The following PDIA2 variants were observed in gnomAD, a reference collection of about 807,000 sequenced individuals.
The protein encoded by PDIA2 is protein disulfide-isomerase A2.
In PDIA2, 76 loss-of-function variants were observed where a neutral mutation model predicts 51.1. The observed-to-expected ratio is 1.49, with a 90% CI of 1.24 to 1.80. PDIA2 has a LOEUF of 1.80. Among genes scored for constraint, PDIA2 ranks in the 40% most tolerant of loss-of-function variants. PDIA2 has a pLI of 0.00. For synonymous variants in PDIA2, 429 were observed against 309.9 expected, an observed-to-expected ratio of 1.38 and a Z score of -4.04; for missense variants, 946 against 706.5, an observed-to-expected ratio of 1.34 and a Z score of -3.84.
chr16:286,090 AC>A (rs2052368584), intron 7 of PDIA2, among the ~76,000 whole-genome samples: 1 of 65,638 alleles, frequency 1.5e-5, no homozygotes, highest in African/African-American at 7.4e-5. Flanking sequence ...CCCCCACCAA[AC>A]CCCACAGTTC....
At chr16:286,511 C>A (rs1243463862) in intron 8 of PDIA2, 38 bp downstream of exon 8, 8 of 1,612,448 alleles carry the variant, frequency 5.0e-6, no homozygotes, top group Non-Finnish European at 5.9e-6. Context: ...GTGGGCTGGG[C>A]AGGGGCTGCC....
At chr16:285,868 CCCGGCGGTTCT>C (rs2052352623) in intron 7 of PDIA2, among the ~76,000 whole-genome samples, 165 bp downstream of exon 7, 5 of 145,072 alleles carry the variant, frequency 3.4e-5, no homozygotes, top group Non-Finnish European at 4.6e-5. Context: ...CCAACCCCAA[CCCGGCGGTTCT>C]CCCAACCCCA....
In PDIA2 at chr16:285,171, A is replaced by G. The variant is rs2089132286; in HGVS notation, c.766A>G (p.Met256Val). 9 of 1,612,868 alleles carry G rather than the reference A, an allele frequency of 5.6e-6. No individual in the cohort carries two copies. The highest frequency in any genetic ancestry group is 1.3e-5 in the African/African-American group (1 of 74,862). The change falls in exon 5 of 11, where the codon ATG becomes GTG. Residue 256 changes from methionine (M) to valine (V), a missense_variant. Coordinates refer to ENST00000219406, the MANE Select transcript of PDIA2 (RefSeq NM_006849.4). The part of the protein sequence containing the change: ...DLSRFLVTHS[M>V]RLVTEFNSQT... The stretch of plus-strand genomic sequence containing the variant: ...GTCGCGCTTCCTGGTCACACACAGC[A>G]TGCGCCTGGTCACGGAGTTCAACAG...
At chr16:285,797 C>A (rs2052349844) in intron 7 of PDIA2, 94 bp downstream of exon 7, 20 of 1,354,912 alleles carry the variant, frequency 1.5e-5, no homozygotes, top group Non-Finnish European at 2.0e-5. Flanking sequence ...GAGCCCCCTG[C>A]CCCTGCAGGC....
At position 285,121 on chromosome 16, in the gene PDIA2, A is replaced by G. The variant is rs773893698; in HGVS notation, c.716A>G (p.Glu239Gly). ...CGGGCAGACTTCCCCGTGGACGAGG[A>G]GCTTGGCCTGGACCTGGGGGATCTG... is the stretch of plus-strand genomic sequence containing the variant. ...EGRADFPVDE[E>G]LGLDLGDLSR... Residue 239 changes from glutamate (E) to glycine (G), a missense_variant, in exon 5 of 11, where the codon GAG becomes GGG. By Grantham distance (98) the Glu-to-Gly change is moderately conservative. Coordinates refer to ENST00000219406, the MANE Select transcript of PDIA2 (RefSeq NM_006849.4). 1.9e-6 allele frequency: 3 copies of G among 1,612,884 alleles called. No homozygotes were observed. The highest frequency in any genetic ancestry group is 1.7e-5 in the Admixed American group (1 of 60,004).
In PDIA2 at chr16:286,891, C is replaced by T. The variant is rs182652442; in HGVS notation, c.1479C>T (p.Asn493=). The change falls in exon 10 of 11, where the codon AAC becomes AAT. Residue 493 remains asparagine, a synonymous_variant. Transcript: ENST00000219406. ...DLETFSKFLD[N]GGVLPTEEPP... is the part of the protein sequence containing the mutation. ...AGACTTTCTCCAAGTTCCTGGACAACGGGGGCGTGCTGCCCACGGAGGAGC... is the reference window on the plus strand; with the variant it reads ...AGACTTTCTCCAAGTTCCTGGACAATGGGGGCGTGCTGCCCACGGAGGAGC... 692 of 1,603,266 alleles carry T rather than the reference C, an allele frequency of 4.3e-4. 7 individuals carry two copies. In the South Asian group the frequency reaches 6.1e-3, roughly 14 times the overall value.
At position 284,785 on chromosome 16, in the gene PDIA2, TC is replaced by T; in HGVS notation, c.534del (p.Phe179SerfsTer22). ...GGCCGGGACCTAGTGGTCATTGGCTTCTTCCAGGTGAGCCACTGGGCATGGG... is the reference window on the plus strand; with the variant it reads ...GGCCGGGACCTAGTGGTCATTGGCTTTTCCAGGTGAGCCACTGGGCATGGG... ...IGGRDLVVIG[F>X]FQDLQDEDVA... is the part of the protein sequence containing the mutation. On this transcript the variant is annotated frameshift_variant, in exon 3 of 11. Transcript: ENST00000219406. LOFTEE classifies it high-confidence loss of function. 1 of 1,571,838 alleles carries T rather than the reference TC, an allele frequency of 6.4e-7. No individual in the cohort carries two copies. Among genetic ancestry groups the T allele is most frequent in the Non-Finnish European group, 8.6e-7 (1 of 1,162,364 alleles).
In PDIA2 at chr16:284,460, G is replaced by A. The variant is rs761256172; in HGVS notation, c.273G>A (p.Glu91=). The A allele has an allele frequency of 5.9e-5, 94 of 1,603,230 alleles. No homozygotes were observed. The highest frequency in any genetic ancestry group is 7.7e-5 in the Non-Finnish European group (91 of 1,176,188). The part of the protein sequence containing the change: ...YSKAAAVLAA[E]SMVVTLAKVD... Reference sequence around the variant, plus strand: ...AGGCAGCTGCCGTGCTCGCGGCCGAGTCAATGGTGGTCACGCTGGCCAAGG... The same window carrying A: ...AGGCAGCTGCCGTGCTCGCGGCCGAATCAATGGTGGTCACGCTGGCCAAGG... The change falls in exon 2 of 11, where the codon GAG becomes GAA. Residue 91 remains glutamate, a synonymous_variant. Coordinates refer to ENST00000219406, the MANE Select transcript of PDIA2 (RefSeq NM_006849.4).
In PDIA2 at chr16:284,415, C is replaced by T. The variant is rs1233355859; in HGVS notation, c.228C>T (p.Ala76=). Residue 76 remains alanine, a synonymous_variant, in exon 2 of 11, where the codon GCC becomes GCT. Coordinates refer to ENST00000219406, the MANE Select transcript of PDIA2 (RefSeq NM_006849.4). ...CCCCGTGGTGTGGGCACTGCCAGGC[C>T]CTGGCCCCCGAGTACAGCAAGGCAG... ...FYAPWCGHCQ[A]LAPEYSKAAA... 6.3e-7 allele frequency: 1 copy of T among 1,575,032 alleles called. No individual in the cohort carries two copies. Among genetic ancestry groups the T allele is most frequent in the East Asian group, 2.3e-5 (1 of 43,292 alleles).
intron 7 of PDIA2, among the ~76,000 whole-genome samples, 153 bp from the exon 8 acceptor site, chr16:286,200 C>T (rs1307815314): frequency 6.4e-5 from 1 of 15,624 alleles, no homozygotes; most frequent in East Asian, 1.7e-3. Flanking sequence ...CCCGGCCCCG[C>T]ACAGGACCTC....
In PDIA2 at chr16:284,176, AG is replaced by A. The variant is rs947460728; in HGVS notation, c.200-204del. The stretch of plus-strand genomic sequence containing the variant: ...AGCCACTGAGCCTGGCTGTGGGGGG[AG>A]GGGGGGTGGTCTTTCAAGCTCTCCC... On this transcript the variant is annotated intron_variant, in intron 1 of 10. Transcript: ENST00000219406. The A allele has an allele frequency of 3.8e-3, 2,199 of 580,234 alleles. 62 individuals carry two copies. The East Asian group carries it at 0.055, about 14-fold the overall frequency. The allele number at this position is 580,234 out of a possible 1,614,324, so 35.9% of individuals were successfully genotyped here. A position where few individuals can be genotyped will look rare whatever the true frequency, so the allele number is the denominator to read the frequency against.
intron 1 of PDIA2, chr16:284,084 T>C (rs889985432): frequency 2.2e-6 from 1 of 462,434 alleles, no homozygotes; most frequent in Admixed American, 3.4e-5. Flanking sequence ...GTCAGGCTGG[T>C]CTCGAACTCC....
chr16:284,780 T>G lies in PDIA2; in HGVS notation c.528T>G (p.Ile176Met). ...ALIGGRDLVVIGFFQDLQDED... is the reference protein window; with the variant it reads ...ALIGGRDLVVMGFFQDLQDED... The stretch of plus-strand genomic sequence containing the variant: ...TCGGTGGCCGGGACCTAGTGGTCAT[T>G]GGCTTCTTCCAGGTGAGCCACTGGG... Residue 176 changes from isoleucine (I) to methionine (M), a missense_variant, in exon 3 of 11, where the codon ATT (isoleucine) becomes ATG (methionine). Physicochemically the swap from Ile to Met is conservative, Grantham distance 10 (BLOSUM62 1). Transcript: ENST00000219406. 3 of 1,570,540 alleles carry G rather than the reference T, an allele frequency of 1.9e-6. No homozygotes were observed. Among genetic ancestry groups the G allele is most frequent in the South Asian group, 1.2e-5 (1 of 85,012 alleles).
rs778288105 is a variant in PDIA2 at position 285,348 on chromosome 16, C to T, written c.832C>T (p.His278Tyr). Residue 278 changes from histidine (H) to tyrosine (Y), a missense_variant, in exon 6 of 11, where the codon CAC becomes TAC. By Grantham distance (83) the His-to-Tyr change is moderately conservative. Coordinates refer to ENST00000219406, the MANE Select transcript of PDIA2 (RefSeq NM_006849.4). ...GATCTTCGCGGCCAGGATCCTCAAC[C>T]ACCTGCTGCTGTTTGTCAACCAGAC... is the stretch of plus-strand genomic sequence containing the variant. Reference protein sequence around the residue: ...AKIFAARILNHLLLFVNQTLA... With the variant: ...AKIFAARILNYLLLFVNQTLA... 6.8e-6 allele frequency: 11 copies of T among 1,612,860 alleles called. No individual in the cohort carries two copies. The African/African-American group carries it at 9.3e-5, about 14-fold the overall frequency.
rs201725880 is a variant in PDIA2 at position 283,399 on chromosome 16, C to T, written c.199+31C>T. 414 of 1,535,018 alleles carry T rather than the reference C, an allele frequency of 2.7e-4. 3 individuals are homozygous for T. In the Admixed American group the frequency reaches 5.5e-3, roughly 20 times the overall value. Reference sequence around the variant, plus strand: ...TGCTGGGGCCAGTGGGGCTGGGGACCGGCGGGGGACCGGCAGAGCCCACCT... The same window carrying T: ...TGCTGGGGCCAGTGGGGCTGGGGACTGGCGGGGGACCGGCAGAGCCCACCT... On this transcript the variant is annotated intron_variant, in intron 1 of 10. Coordinates refer to ENST00000219406, the MANE Select transcript of PDIA2 (RefSeq NM_006849.4).
chr16:284,729 G>A lies in PDIA2; in HGVS notation c.477G>A (p.Glu159=). 2 of 1,565,638 alleles carry A rather than the reference G, an allele frequency of 1.3e-6. No individual in the cohort carries two copies. The highest frequency in any genetic ancestry group is 2.3e-5 in the East Asian group (1 of 44,066). The change falls in exon 3 of 11, where the codon GAG becomes GAA. Residue 159 remains glutamate (E), a synonymous_variant. Coordinates refer to ENST00000219406, the MANE Select transcript of PDIA2 (RefSeq NM_006849.4). ...RRVGPSAMRL[E]DEAAAQALIG... ...TGGGGCCCAGTGCCATGCGGCTGGA[G>A]GACGAGGCGGCCGCCCAGGCGCTGA...
intron 1 of PDIA2, 58 bp from the exon 2 acceptor site, chr16:284,329 T>A: frequency 6.8e-7 from 1 of 1,475,364 alleles, no homozygotes; most frequent in African/African-American, 1.4e-5. Context: ...TTGTCAGGTG[T>A]GGAGAGGGTG....
intron 1 of PDIA2, chr16:284,031 A>T (rs1436121066): frequency 3.0e-6 from 1 of 334,124 alleles, no homozygotes; most frequent in African/African-American, 2.1e-5. Context: ...ATCCCGGCTA[A>T]TATTTTTTGT....
intron 1 of PDIA2, 97 bp from the exon 2 acceptor site, chr16:284,290 A>G (rs1218196501): frequency 4.8e-6 from 6 of 1,252,022 alleles, no homozygotes; most frequent in Non-Finnish European, 6.7e-6. Context: ...TCAGGGCAGA[A>G]TGGAGCAGCA....
Sources: gnomAD v4.1 joint callset for allele counts (sites outside exome capture counted in the v4.1 genomes callset) on GRCh38, gnomAD v4.1.1 for gene constraint, MANE v1.5 for transcripts, NCBI Gene and HGNC (gene_info 2026-07-23, HGNC 2026-07-21) for gene names.